Variants in OTUD7B observed in about 807,000 individuals in gnomAD.
OTUD7B encodes the protein OTU domain-containing protein 7B.
A neutral mutation model predicts 82.2 loss-of-function variants in OTUD7B; 34 were observed. The observed-to-expected ratio is 0.41, with a 90% CI of 0.31 to 0.55. The LOEUF (loss-of-function observed/expected upper bound fraction) is 0.55, where lower values mean the gene tolerates loss of function less well. Ranked by LOEUF, OTUD7B falls within the 20% of genes least tolerant of loss-of-function variation. OTUD7B has a pLI of 0.20. For synonymous variants in OTUD7B, 398 were observed against 402.7 expected (o/e 0.99, Z 0.14); for missense variants, 944 against 1,062.1 (o/e 0.89, Z 1.55).
chr1:150,017,967 T>C, the OTUD7B span, among the ~76,000 whole-genome samples: 10 of 152,202 alleles, frequency 6.6e-5, no homozygotes, highest in Non-Finnish European at 1.2e-4. Context: ...TCCATTTCCA[T>C]ATTACTGTCC....
At chr1:150,059,839 C>T in the OTUD7B span, among the ~76,000 whole-genome samples, 1 of 151,974 alleles carries the variant, frequency 6.6e-6, no homozygotes, top group African/African-American at 2.4e-5. Context: ...AAAACATAAA[C>T]ATAAAACTTA....
the OTUD7B span, among the ~76,000 whole-genome samples, chr1:150,059,322 T>C: frequency 1.7e-4 from 6 of 36,354 alleles, no homozygotes; most frequent in Admixed American, 1.7e-3. Context: ...CCTCCCAAAA[T>C]GCTGGGATTA....
chr1:150,057,003 A>C, the OTUD7B span, among the ~76,000 whole-genome samples: 3 of 152,204 alleles, frequency 2.0e-5, no homozygotes, highest in Non-Finnish European at 4.4e-5. Context: ...GTAATTTTAC[A>C]GTGGAGAAAG....
chr1:150,032,087 G>A, the OTUD7B span, among the ~76,000 whole-genome samples: 1 of 150,520 alleles, frequency 6.6e-6, no homozygotes, highest in Non-Finnish European at 1.5e-5. Flanking sequence ...GAGGCGGGTG[G>A]ATCACTTGAG....
intron 7 of OTUD7B, among the ~76,000 whole-genome samples, chr1:149,955,758 C>T (rs1477575490): frequency 1.3e-5 from 2 of 151,954 alleles, no homozygotes; most frequent in Non-Finnish European, 2.9e-5. Context: ...TAAGATAGCT[C>T]TTCCTGTTGA....
intron 7 of OTUD7B, among the ~76,000 whole-genome samples, chr1:149,956,017 A>C (rs1648640137): frequency 6.6e-6 from 1 of 151,958 alleles, no homozygotes; most frequent in African/African-American, 2.4e-5. Context: ...TTTTAATTGG[A>C]GCATTTAGCC....
the OTUD7B span, among the ~76,000 whole-genome samples, chr1:150,065,322 G>A: frequency 2.0e-5 from 3 of 152,016 alleles, no homozygotes; most frequent in African/African-American, 7.3e-5. Flanking sequence ...GATTGGCCTC[G>A]CCTTGGCCTT....
the OTUD7B span, among the ~76,000 whole-genome samples, chr1:150,025,825 G>A: frequency 6.6e-6 from 1 of 152,164 alleles, no homozygotes; most frequent in East Asian, 1.9e-4. Flanking sequence ...TATTGTGGCA[G>A]GGAAATAAGC....
At chr1:150,059,713 A>G in the OTUD7B span, among the ~76,000 whole-genome samples, 6,726 of 152,204 alleles carry the variant, frequency 0.044, 483 homozygotes, top group African/African-American at 0.15. Flanking sequence ...ACATTTACTA[A>G]TATGTTCATT....
At position 149,944,183 on chromosome 1, in the gene OTUD7B, G is replaced by A; in HGVS notation, c.2206C>T (p.Pro736Ser). 7 of 1,613,896 alleles carry A rather than the reference G, an allele frequency of 4.3e-6. No individual in the cohort carries two copies. The highest frequency in any genetic ancestry group is 5.9e-6 in the Non-Finnish European group (7 of 1,179,844). Residue 736 changes from proline (P) to serine (S), a missense_variant, in exon 12 of 12, where the codon CCT (proline) becomes TCT (serine). Coordinates refer to ENST00000581312, the MANE Select transcript of OTUD7B (RefSeq NM_020205.4). The part of the protein sequence containing the change: ...PYATFPRQCP[P>S]GRPYPHQDSI... ...TCCTGGTGGGGGTAGGGTCGCCCAG[G>A]AGGGCACTGTCTGGGGAAGGTGGCA...
chr1:149,955,316 C>G (rs142185809), intron 7 of OTUD7B, among the ~76,000 whole-genome samples: 2,736 of 152,250 alleles, frequency 0.018, 68 homozygotes, highest in African/African-American at 0.059. Context: ...AGTCATTCAG[C>G]AGCAGGTTGT....
At chr1:150,042,145 T>TCCCTC in the OTUD7B span, among the ~76,000 whole-genome samples, 1 of 70,758 alleles carries the variant, frequency 1.4e-5, no homozygotes, top group African/African-American at 4.0e-5. Context: ...CTCCCTCCCT[T>TCCCTC]CCTTCCTCCC....
intron 1 of OTUD7B, among the ~76,000 whole-genome samples, chr1:149,979,345 C>G (rs1317098884): frequency 6.6e-6 from 1 of 152,148 alleles, no homozygotes; most frequent in African/African-American, 2.4e-5. Context: ...GCTGTCACAA[C>G]TCTTACCTCC....
the OTUD7B span, among the ~76,000 whole-genome samples, chr1:150,028,937 T>C: frequency 1.3e-5 from 2 of 152,206 alleles, no homozygotes; most frequent in Non-Finnish European, 2.9e-5. Context: ...TTCATCCATA[T>C]TGTAGCATAT....
At chr1:150,057,195 T>G in the OTUD7B span, among the ~76,000 whole-genome samples, 1 of 151,930 alleles carries the variant, frequency 6.6e-6, no homozygotes, top group South Asian at 2.1e-4. Flanking sequence ...ACGGATATTC[T>G]ACGAAACAAC....
chr1:150,014,921 T>TAAAAAAA (rs201723849), upstream of OTUD7B, among the ~76,000 whole-genome samples: 1 of 151,044 alleles, frequency 6.6e-6, no homozygotes. Context: ...TTGCCTCAAT[T>TAAAAAAA]AAAAAAAAAT....
the OTUD7B span, among the ~76,000 whole-genome samples, chr1:150,024,981 G>C: frequency 6.6e-6 from 1 of 152,140 alleles, no homozygotes; most frequent in Non-Finnish European, 1.5e-5. Context: ...CCAGGAGGCA[G>C]AGGTTGCAGT....
Position 149,959,669 on chromosome 1 carries a change from C to T in OTUD7B, c.845+15G>A, listed in dbSNP as rs1553775254. The T allele has an allele frequency of 2.0e-6, 3 of 1,535,224 alleles. No individual in the cohort carries two copies. In the East Asian group the frequency reaches 6.7e-5, roughly 34 times the overall value. Reference sequence around the variant, plus strand: ...TCTATGCAGGTTTCCTCCTCCCCTACTTAGCCATACTTACCCACCACAGTT... The same window carrying T: ...TCTATGCAGGTTTCCTCCTCCCCTATTTAGCCATACTTACCCACCACAGTT... On this transcript the variant is annotated intron_variant, in intron 7 of 11. Transcript: ENST00000581312.
At chr1:150,029,238 T>G in the OTUD7B span, among the ~76,000 whole-genome samples, 1 of 152,160 alleles carries the variant, frequency 6.6e-6, no homozygotes, top group Non-Finnish European at 1.5e-5. Flanking sequence ...AAAATTGTTA[T>G]AAGTTTAATA....
Sources: gnomAD v4.1 joint callset for allele counts (sites outside exome capture counted in the v4.1 genomes callset) on GRCh38, gnomAD v4.1.1 for gene constraint, MANE v1.5 for transcripts, NCBI Gene and HGNC (gene_info 2026-07-23, HGNC 2026-07-21) for gene names.